The following RGL1 variants were observed in gnomAD, a reference collection of about 807,000 sequenced individuals.
RGL1 encodes ral guanine nucleotide dissociation stimulator-like 1.
RGL1 carries 24 observed loss-of-function variants against 95.2 expected under a neutral mutation model. The observed-to-expected ratio is 0.25, with a 90% CI of 0.18 to 0.35. The LOEUF (loss-of-function observed/expected upper bound fraction) is 0.35, where lower values mean the gene tolerates loss of function less well. RGL1 is among the 10% of genes least tolerant of loss of function. RGL1 has a pLI of 1.00. For synonymous variants in RGL1, 329 were observed against 344.9 expected (o/e 0.95, Z 0.51); for missense variants, 715 against 936.3 (o/e 0.76, Z 3.08).
chr1:183,781,491 G>A (rs914658942), intron 2 of RGL1, among the ~76,000 whole-genome samples: 2 of 151,976 alleles, frequency 1.3e-5, no homozygotes, highest in South Asian at 4.2e-4. Flanking sequence ...ACTAGGCCCC[G>A]GTTTTTCTCC....
At chr1:183,854,698 A>G (rs1665029067) in intron 3 of RGL1, among the ~76,000 whole-genome samples, 1 of 152,168 alleles carries the variant, frequency 6.6e-6, no homozygotes, top group Non-Finnish European at 1.5e-5. Context: ...GGCATATAGT[A>G]TAATGGTTAA....
At chr1:183,780,251 A>G (rs1659827823) in intron 2 of RGL1, among the ~76,000 whole-genome samples, 1 of 152,164 alleles carries the variant, frequency 6.6e-6, no homozygotes, top group South Asian at 2.1e-4. Context: ...CATCTATTTT[A>G]CTTTGGAGCA....
rs528786983 is a variant in RGL1 at position 183,744,168 on chromosome 1, A to G, written c.132+1879A>G. Among the ~76,000 whole-genome samples, 19 of 152,204 alleles carry G rather than the reference A, an allele frequency of 1.2e-4. 1 individual carries two copies. The highest frequency in any genetic ancestry group is 2.6e-4 in the Non-Finnish European group (18 of 68,038). ...AATTATTATACCAACTCCTCACTAC[A>G]GTTGTGTTTAAAATTCAAATTCCTA... On this transcript the variant is annotated intron_variant, in intron 2 of 18. Coordinates refer to the RGL1 transcript ENST00000304685.
chr1:183,682,192 A>T (rs1424994344), intron 1 of RGL1, among the ~76,000 whole-genome samples: 1 of 151,612 alleles, frequency 6.6e-6, no homozygotes, highest in African/African-American at 2.4e-5. Flanking sequence ...GGTCTTAGTT[A>T]TTTCTTGTTT....
intron 1 of RGL1, among the ~76,000 whole-genome samples, chr1:183,651,989 T>C (rs2102001220): frequency 6.6e-6 from 1 of 152,348 alleles, no homozygotes; most frequent in East Asian, 1.9e-4. Flanking sequence ...GACTTATGGG[T>C]GGTACACCGG....
intron 2 of RGL1, among the ~76,000 whole-genome samples, chr1:183,819,959 A>AT (rs1372718072): frequency 2.6e-5 from 4 of 151,668 alleles, no homozygotes; most frequent in Admixed American, 6.6e-5. Flanking sequence ...TAATTTTTAA[A>AT]TTTTTTGTAG....
rs541371290 is a variant in RGL1, at chr1:183,754,372, G to A, written c.132+12083G>A. 5 of 152,248 alleles carry A rather than the reference G, an allele frequency of 3.3e-5. No individual in the cohort carries two copies. In the South Asian group the frequency reaches 1.0e-3, roughly 32 times the overall value. 9.4% of individuals were successfully genotyped at this position (152,248 alleles called of 1,614,324 possible). On this transcript the variant is annotated intron_variant, in intron 2 of 18. Coordinates refer to the RGL1 transcript ENST00000304685. ...CTTTAAGGTAACAAGTCCTATGTTG[G>A]TTAGAGTAACATTAATGCTGTAACA...
chr1:183,764,214 AG>A (rs1277940217), intron 2 of RGL1, among the ~76,000 whole-genome samples: 1 of 152,218 alleles, frequency 6.6e-6, no homozygotes, highest in Non-Finnish European at 1.5e-5. Context: ...CCAGGGAAGA[AG>A]GGTTTGAGTG....
chr1:183,653,866 A>G (rs1572228417), intron 1 of RGL1, among the ~76,000 whole-genome samples: 1 of 152,076 alleles, frequency 6.6e-6, no homozygotes, highest in Non-Finnish European at 1.5e-5. Context: ...GTCCTTCTCC[A>G]TTCTTTTCCT....
At chr1:183,745,494 C>T (rs150320457) in intron 2 of RGL1, among the ~76,000 whole-genome samples, 178 of 152,156 alleles carry the variant, frequency 1.2e-3, no homozygotes, top group African/African-American at 4.2e-3. Context: ...ATTTATTTCA[C>T]AATCTGAAAT....
At chr1:183,926,055 T>C (rs1295395223) in intron 17 of RGL1, 50 bp from the exon 18 acceptor site, 1 of 1,539,550 alleles carries the variant, frequency 6.5e-7, no homozygotes, top group Non-Finnish European at 8.9e-7. Context: ...TTGTCAGTAC[T>C]GAGCTGACCT....
At chr1:183,700,848 A>C (rs1049434566) in intron 1 of RGL1, among the ~76,000 whole-genome samples, 9 of 152,066 alleles carry the variant, frequency 5.9e-5, no homozygotes, top group Non-Finnish European at 2.9e-5. Flanking sequence ...CTGGCCTGTC[A>C]TCTAGGTTTT....
intron 2 of RGL1, among the ~76,000 whole-genome samples, chr1:183,783,375 G>A (rs1177243354): frequency 1.3e-5 from 2 of 152,048 alleles, no homozygotes; most frequent in Non-Finnish European, 2.9e-5. Context: ...TGCATTGAAA[G>A]TATAGCAAAA....
At chr1:183,859,040 A>G (rs1165736714) in intron 3 of RGL1, among the ~76,000 whole-genome samples, 1 of 152,188 alleles carries the variant, frequency 6.6e-6, no homozygotes, top group East Asian at 1.9e-4. Flanking sequence ...CCTGAGAAAA[A>G]TCTAGACTCA....
chr1:183,905,096 T>C, intron 13 of RGL1, 125 bp downstream of exon 13: 1 of 1,263,838 alleles, frequency 7.9e-7, no homozygotes, highest in South Asian at 1.7e-5. Flanking sequence ...TTCCAGGTCC[T>C]TGGTTTTCAA....
At chr1:183,901,729 C>T (rs1668038888) in intron 11 of RGL1, among the ~76,000 whole-genome samples, 1 of 151,966 alleles carries the variant, frequency 6.6e-6, no homozygotes, top group Admixed American at 6.6e-5. Flanking sequence ...CCCTTCATCC[C>T]CCATCTTCTC....
At chr1:183,827,758 A>G (rs1267644926) in intron 2 of RGL1, among the ~76,000 whole-genome samples, 1 of 152,206 alleles carries the variant, frequency 6.6e-6, no homozygotes, top group Non-Finnish European at 1.5e-5. Context: ...ATAGCTGTGT[A>G]CGCTATTTCC....
At chr1:183,877,358 C>A (rs1666557164) in intron 4 of RGL1, among the ~76,000 whole-genome samples, 1 of 152,198 alleles carries the variant, frequency 6.6e-6, no homozygotes, top group Non-Finnish European at 1.5e-5. Context: ...AAGCCATTGG[C>A]CAGTAATCCT....
chr1:183,819,499 A>C (rs1662309406), intron 2 of RGL1, among the ~76,000 whole-genome samples: 1 of 152,102 alleles, frequency 6.6e-6, no homozygotes, highest in South Asian at 2.1e-4. Flanking sequence ...TTACATTCTT[A>C]AGTTTGAAAT....
Sources: allele counts gnomAD v4.1 joint callset (sites outside exome capture counted in the v4.1 genomes callset), GRCh38; gene constraint gnomAD v4.1.1; transcripts MANE v1.5; gene names NCBI Gene and HGNC (gene_info 2026-07-23, HGNC 2026-07-21).